The following DCAF6 variants were observed in gnomAD, a reference collection of about 807,000 sequenced individuals.
DCAF6 encodes the protein DDB1 and CUL4 associated factor 6.
In DCAF6, 54 loss-of-function variants were observed where a neutral mutation model predicts 125.1. That is an observed-to-expected ratio of 0.43 (90% CI 0.35 to 0.54). The LOEUF is 0.54. Among genes scored for constraint, DCAF6 ranks in the 20% least tolerant of loss-of-function variants. The pLI, the probability that DCAF6 is intolerant of heterozygous loss-of-function variation, is 0.01. For missense variants in DCAF6, 934 were observed against 1,161.7 expected (o/e 0.80, Z 2.85); for synonymous variants, 371 against 390.4 (o/e 0.95, Z 0.58).
chr1:167,916,057 G>C, the DCAF6 span, among the ~76,000 whole-genome samples: 1 of 152,172 alleles, frequency 6.6e-6, no homozygotes, highest in Non-Finnish European at 1.5e-5. Context: ...TAATCGATTT[G>C]CACCACTGTG....
At chr1:167,956,008 A>T (rs995768580) in intron 2 of DCAF6, among the ~76,000 whole-genome samples, 7 of 152,062 alleles carry the variant, frequency 4.6e-5, no homozygotes, top group Admixed American at 4.6e-4. Flanking sequence ...GATACCTCCC[A>T]CCTCAACCTC....
At chr1:167,992,010 G>C (rs1323559322) in intron 6 of DCAF6, among the ~76,000 whole-genome samples, 1 of 152,062 alleles carries the variant, frequency 6.6e-6, no homozygotes, top group East Asian at 1.9e-4. Context: ...TTTCAATCAA[G>C]AAAACAATGG....
At chr1:167,932,808 C>CAA (rs965449372), upstream of DCAF6, among the ~76,000 whole-genome samples, 84 of 54,834 alleles carry the variant, frequency 1.5e-3, no homozygotes, top group African/African-American at 4.2e-3. Context: ...GACTCTGTCT[C>CAA]AAAAAAAAAA....
At chr1:167,918,738 C>T in the DCAF6 span, among the ~76,000 whole-genome samples, 8 of 151,482 alleles carry the variant, frequency 5.3e-5, no homozygotes, top group Middle Eastern at 3.2e-3. Context: ...GGACTACAGG[C>T]GCCCGCCACC....
intron 21 of DCAF6, among the ~76,000 whole-genome samples, chr1:168,073,301 A>C (rs1693375042): frequency 6.6e-6 from 1 of 152,248 alleles, no homozygotes; most frequent in African/African-American, 2.4e-5. Flanking sequence ...GATTTGTATA[A>C]GTGTTAACTG....
the DCAF6 span, among the ~76,000 whole-genome samples, chr1:167,874,697 A>G: frequency 6.6e-6 from 1 of 152,252 alleles, no homozygotes; most frequent in Non-Finnish European, 1.5e-5. Flanking sequence ...CATAAGAACC[A>G]AAAACTGGAA....
chr1:168,045,171 T>C lies in DCAF6; in HGVS notation c.2202T>C (p.Ser734=), dbSNP rs762832560. 13 of 1,613,774 alleles carry C rather than the reference T, an allele frequency of 8.1e-6. No homozygotes were observed. Among genetic ancestry groups the C allele is most frequent in the Admixed American group, 3.3e-5 (2 of 59,914 alleles). ...RDSALQDTDD[S]DDDPVLIPGA... Reference sequence around the variant, plus strand: ...CTGCTCTTCAGGACACAGATGACAGTGATGATGACCCAGTCCTGATCCCAG... The same window carrying C: ...CTGCTCTTCAGGACACAGATGACAGCGATGATGACCCAGTCCTGATCCCAG... The change falls in exon 16 of 22, where the codon AGT becomes AGC. Residue 734 remains serine, a synonymous_variant. Coordinates refer to ENST00000367840, the MANE Select transcript of DCAF6 (RefSeq NM_001198956.2).
chr1:168,015,716 A>G, intron 10 of DCAF6, 65 bp from the exon 11 acceptor site: 1 of 1,320,256 alleles, frequency 7.6e-7, no homozygotes, highest in South Asian at 1.9e-5. Context: ...TTAATGTATA[A>G]TCAAATTCTT....
chr1:167,999,162 A>G (rs781445391), intron 7 of DCAF6, among the ~76,000 whole-genome samples: 7 of 152,304 alleles, frequency 4.6e-5, no homozygotes, highest in Non-Finnish European at 1.0e-4. Context: ...GACCAGGTGC[A>G]TTGTCAATGC....
chr1:167,961,476 C>T (rs1442564781), intron 2 of DCAF6, among the ~76,000 whole-genome samples: 1 of 152,004 alleles, frequency 6.6e-6, no homozygotes. Context: ...CTCCTGACCC[C>T]GTGATCCGCC....
chr1:167,910,243 A>G, the DCAF6 span, among the ~76,000 whole-genome samples: 1 of 152,128 alleles, frequency 6.6e-6, no homozygotes. Flanking sequence ...GCACCTTTTC[A>G]TATGTTAACT....
the DCAF6 span, among the ~76,000 whole-genome samples, chr1:167,897,012 C>G: frequency 6.6e-6 from 1 of 151,750 alleles, no homozygotes; most frequent in Non-Finnish European, 1.5e-5. Flanking sequence ...CAAATAAAAC[C>G]TGGTTAAACT....
intron 12 of DCAF6, among the ~76,000 whole-genome samples, chr1:168,025,530 G>A (rs938226350): frequency 6.6e-6 from 1 of 152,114 alleles, no homozygotes; most frequent in African/African-American, 2.4e-5. Flanking sequence ...TGTTCTAATG[G>A]TGGAAAATAT....
chr1:167,901,985 T>C, the DCAF6 span: 89 of 1,613,440 alleles, frequency 5.5e-5, no homozygotes, highest in Middle Eastern at 1.6e-4. Flanking sequence ...CACTCCTTTC[T>C]TACCCCTTCT....
chr1:167,878,566 G>T, the DCAF6 span: 1 of 1,614,178 alleles, frequency 6.2e-7, no homozygotes, highest in Admixed American at 1.7e-5. Context: ...GTAGGTGACA[G>T]AGTCGCAGGT....
At chr1:167,910,628 TG>T in the DCAF6 span, among the ~76,000 whole-genome samples, 1 of 152,144 alleles carries the variant, frequency 6.6e-6, no homozygotes, top group African/African-American at 2.4e-5. Flanking sequence ...AAAGGAAAGT[TG>T]GTGTGTTTTT....
chr1:167,987,644 AAATT>A, intron 5 of DCAF6, 36 bp downstream of exon 5: 1 of 1,092,722 alleles, frequency 9.2e-7, no homozygotes, highest in Non-Finnish European at 1.4e-6. Context: ...GATGCAGAAA[AAATT>A]AAGGTTATAA....
At chr1:167,897,011 C>T in the DCAF6 span, among the ~76,000 whole-genome samples, 1 of 151,952 alleles carries the variant, frequency 6.6e-6, no homozygotes, top group African/African-American at 2.4e-5. Context: ...TCAAATAAAA[C>T]CTGGTTAAAC....
At chr1:168,067,977 A>G (rs897008451) in intron 20 of DCAF6, among the ~76,000 whole-genome samples, 2 of 152,206 alleles carry the variant, frequency 1.3e-5, no homozygotes, top group Non-Finnish European at 2.9e-5. Context: ...GCCCATGGAT[A>G]ATAATTTAAC....
Sources: gnomAD v4.1 joint callset for allele counts (sites outside exome capture counted in the v4.1 genomes callset) on GRCh38, gnomAD v4.1.1 for gene constraint, MANE v1.5 for transcripts, NCBI Gene and HGNC (gene_info 2026-07-23, HGNC 2026-07-21) for gene names.